MYO16: variants seen among roughly 807,000 people sequenced by gnomAD.
MYO16 encodes the protein unconventional myosin-XVI.
In MYO16, 94 loss-of-function variants were observed where a neutral mutation model predicts 205.3. The observed-to-expected ratio is 0.46, with a 90% confidence interval of 0.39 to 0.54. The LOEUF (loss-of-function observed/expected upper bound fraction) is 0.54, where lower values mean the gene tolerates loss of function less well. Among genes scored for constraint, MYO16 ranks in the 20% least tolerant of loss-of-function variants. MYO16 has a pLI of 0.00. For missense variants in MYO16, 2,315 were observed against 2,387.5 expected (o/e 0.97, Z 0.63); for synonymous variants, 988 against 954.0 (o/e 1.04, Z -0.66).
intron 32 of MYO16, among the ~76,000 whole-genome samples, chr13:109,147,590 G>A (rs1377969171): frequency 1.3e-5 from 2 of 152,086 alleles, no homozygotes; most frequent in Admixed American, 6.5e-5. Flanking sequence ...CCTATGTGCG[G>A]GTCTTGTAGT....
chr13:108,966,450 G>T (rs1390345575), intron 20 of MYO16, among the ~76,000 whole-genome samples: 1 of 152,054 alleles, frequency 6.6e-6, no homozygotes, highest in Non-Finnish European at 1.5e-5. Flanking sequence ...TTATATAATG[G>T]TCTACAGTTT....
At chr13:109,103,693 G>C (rs1273244461) in intron 28 of MYO16, among the ~76,000 whole-genome samples, 1 of 152,174 alleles carries the variant, frequency 6.6e-6, no homozygotes. Flanking sequence ...TGGTAACTCT[G>C]TAATTCTTAT....
chr13:108,964,054 G>A (rs9521112), intron 19 of MYO16, among the ~76,000 whole-genome samples: 125,432 of 152,186 alleles, frequency 0.82, 52,548 homozygotes, highest in South Asian at 0.9. Context: ...CGTGGACCCC[G>A]CCCTGTTCCT....
intron 28 of MYO16, among the ~76,000 whole-genome samples, chr13:109,112,388 G>T (rs1297278076): frequency 6.6e-6 from 1 of 152,080 alleles, no homozygotes; most frequent in Non-Finnish European, 1.5e-5. Context: ...CAGCATCTTT[G>T]TTTCTTTAAT....
intron 20 of MYO16, among the ~76,000 whole-genome samples, chr13:108,974,795 AAG>A (rs1412002655): frequency 2.0e-5 from 3 of 152,184 alleles, no homozygotes; most frequent in African/African-American, 7.2e-5. Context: ...TTTCAGCTCT[AAG>A]AGAGTATTTC....
chr13:108,669,216 T>C (rs1243044624), intron 2 of MYO16, among the ~76,000 whole-genome samples: 3 of 151,626 alleles, frequency 2.0e-5, no homozygotes, highest in Admixed American at 6.6e-5. Flanking sequence ...AGGATGAAAA[T>C]GAGGGAGGGT....
At chr13:108,964,633 C>G in intron 19 of MYO16, 128 bp from the exon 20 acceptor site, 1 of 995,344 alleles carries the variant, frequency 1.0e-6, no homozygotes, top group African/African-American at 1.6e-5. Context: ...TTATGAGAAT[C>G]CGTATAATTT....
intron 6 of MYO16, among the ~76,000 whole-genome samples, chr13:108,800,582 A>C (rs990129636): frequency 3.9e-5 from 6 of 152,212 alleles, no homozygotes; most frequent in African/African-American, 1.4e-4. Flanking sequence ...TACTTCTGTC[A>C]AAGCTGAGAT....
chr13:108,523,776 C>T, the MYO16 span, among the ~76,000 whole-genome samples: 1 of 152,206 alleles, frequency 6.6e-6, no homozygotes, highest in African/African-American at 2.4e-5. Context: ...GGAACTTTAC[C>T]TCGTTACCCC....
chr13:108,599,550 A>G (rs1878686833), intron 1 of MYO16, among the ~76,000 whole-genome samples: 1 of 152,214 alleles, frequency 6.6e-6, no homozygotes, highest in African/African-American at 2.4e-5. Context: ...CATAGGTCAC[A>G]GTCAGCTTAT....
intron 16 of MYO16, among the ~76,000 whole-genome samples, chr13:108,929,955 A>G (rs1259488794): frequency 6.6e-6 from 1 of 152,228 alleles, no homozygotes; most frequent in African/African-American, 2.4e-5. Context: ...AGCTATATGC[A>G]TGAATAAGAA....
At chr13:109,092,278 G>A (rs1594078050) in intron 27 of MYO16, among the ~76,000 whole-genome samples, 3 of 151,652 alleles carry the variant, frequency 2.0e-5, no homozygotes, top group Admixed American at 2.0e-4. Context: ...CCTACTTCCT[G>A]ATAGTCTTTT....
chr13:108,572,286 A>G, the MYO16 span, among the ~76,000 whole-genome samples: 723 of 152,146 alleles, frequency 4.8e-3, 3 homozygotes, highest in Non-Finnish European at 8.0e-3. Context: ...ACAAACACTG[A>G]AGTTTTACTA....
At position 108,998,404 on chromosome 13, in the gene MYO16, A is replaced by G. The variant is rs78305596; in HGVS notation, c.2442+5956A>G. 2.0e-3 allele frequency among the ~76,000 whole-genome samples: 307 copies of G among 152,288 alleles called. 3 individuals are homozygous for G. The highest frequency in any genetic ancestry group is 7.3e-3 in the African/African-American group (302 of 41,566). On this transcript the variant is annotated intron_variant, in intron 21 of 34. Coordinates refer to ENST00000457511, the MANE Select transcript of MYO16 (RefSeq NM_001198950.3). ...AGGCACTAAAGTTTACATAGACATT[A>G]TGGTATGGCAGGTAAGGTACAAATG...
At chr13:109,038,618 A>G (rs1446109012) in intron 23 of MYO16, among the ~76,000 whole-genome samples, 2 of 152,026 alleles carry the variant, frequency 1.3e-5, no homozygotes, top group African/African-American at 4.8e-5. Flanking sequence ...TATATATATT[A>G]TACTATACTA....
Position 108,977,194 on chromosome 13 carries a change from T to G in MYO16, c.2369+12292T>G, listed in dbSNP as rs149374908. On this transcript the variant is annotated intron_variant, in intron 20 of 34. Transcript: ENST00000457511. ...GGTTTTTGAAATTTAACTATATTGATACCTCAAGACCTAGTTTATTCTTTT... is the reference window on the plus strand; with the variant it reads ...GGTTTTTGAAATTTAACTATATTGAGACCTCAAGACCTAGTTTATTCTTTT... Among the ~76,000 whole-genome samples, 410 of 152,340 alleles carry G rather than the reference T, an allele frequency of 2.7e-3. 1 individual carries two copies. The highest frequency in any genetic ancestry group is 9.5e-3 in the African/African-American group (393 of 41,580).
intron 34 of MYO16, among the ~76,000 whole-genome samples, chr13:109,192,200 A>AG (rs1879951490): frequency 6.6e-6 from 1 of 152,200 alleles, no homozygotes; most frequent in Non-Finnish European, 1.5e-5. Context: ...ATGAGCTGTG[A>AG]TATTGGAAAG....
At chr13:109,022,683 T>G (rs1273865142) in intron 23 of MYO16, among the ~76,000 whole-genome samples, 1 of 53,104 alleles carries the variant, frequency 1.9e-5, no homozygotes, top group East Asian at 6.0e-4. Flanking sequence ...TATACACATA[T>G]AAACATGTAT....
chr13:108,654,863 T>C (rs1441951639), intron 1 of MYO16, among the ~76,000 whole-genome samples: 4 of 152,172 alleles, frequency 2.6e-5, no homozygotes, highest in East Asian at 3.9e-4. Flanking sequence ...CACTAGAGAA[T>C]TGTGGAACTT....
Sources: allele counts gnomAD v4.1 joint callset (sites outside exome capture counted in the v4.1 genomes callset), GRCh38; gene constraint gnomAD v4.1.1; transcripts MANE v1.5; gene names NCBI Gene and HGNC (gene_info 2026-07-23, HGNC 2026-07-21).